The following MFSD8 variants were observed in gnomAD, a reference collection of about 807,000 sequenced individuals.
MFSD8 encodes major facilitator superfamily domain-containing protein 8.
MFSD8 carries 55 observed loss-of-function variants against 66.4 expected under a neutral mutation model. That is an observed-to-expected ratio of 0.83 (90% CI 0.67 to 1.04). The LOEUF is 1.04. Among genes scored for constraint, MFSD8 ranks in the 50% least tolerant of loss-of-function variants. The pLI is 0.00. For synonymous variants in MFSD8, 202 were observed against 212.8 expected (o/e 0.95, Z 0.44); for missense variants, 550 against 627.6 (o/e 0.88, Z 1.32).
rs975098695 is a variant in MFSD8, at chr4:127,919,789, G to A, written c.*841C>T. 1 of 152,126 alleles carries A rather than the reference G, an allele frequency of 6.6e-6. No homozygotes were observed. The highest frequency in any genetic ancestry group is 1.5e-5 in the Non-Finnish European group (1 of 68,024). 9.4% of individuals were successfully genotyped at this position (152,126 alleles called of 1,614,324 possible). On this transcript the variant is annotated 3_prime_UTR_variant, in exon 12 of 12. Coordinates refer to ENST00000641686, the MANE Select transcript of MFSD8 (RefSeq NM_001371596.2). ...AATTAAATGTTTTTCTCCAGTTTAA[G>A]GGGGTTGAAAAATAGCAATAATTTT...
Position 127,933,096 on chromosome 4 carries a change from A to G in MFSD8, c.755-3T>C. On this transcript the variant is annotated splice_polypyrimidine_tract_variant and splice_region_variant and intron_variant, in intron 7 of 11. Coordinates refer to ENST00000641686, the MANE Select transcript of MFSD8 (RefSeq NM_001371596.2). ...AACCTGAGCTTCATCTGTACTTGCT[A>G]TAGGGAAATAGGAGAAAAATTACAT... is the stretch of plus-strand genomic sequence containing the variant. 1 of 1,609,354 alleles carries G rather than the reference A, an allele frequency of 6.2e-7. No homozygotes were observed. The highest frequency in any genetic ancestry group is 1.1e-5 in the South Asian group (1 of 90,964).
chr4:127,952,201 C>G (rs116085789), intron 2 of MFSD8, among the ~76,000 whole-genome samples: 2,186 of 150,982 alleles, frequency 0.014, 64 homozygotes, highest in African/African-American at 0.05. Flanking sequence ...GTCAGGCTAT[C>G]GAGCCCATCC....
At chr4:127,942,024 T>C (rs747056142) in intron 5 of MFSD8, 21 bp downstream of exon 5, 2 of 1,560,672 alleles carry the variant, frequency 1.3e-6, no homozygotes, top group Admixed American at 1.7e-5. Context: ...ATTCAAGTAA[T>C]GACATGTGAA....
chr4:127,926,363 T>C lies in MFSD8; in HGVS notation c.998+4320A>G, dbSNP rs538395270. Among the ~76,000 whole-genome samples, 48 of 146,622 alleles carry C rather than the reference T, an allele frequency of 3.3e-4. No individual in the cohort carries two copies. The South Asian group carries it at 0.01, about 31-fold the overall frequency. ...TGCTGACTTCACTAAGGTCTCAGCT[T>C]AAATGTAACTTCCTCATATATACCT... On this transcript the variant is annotated intron_variant, in intron 9 of 11. Transcript: ENST00000641686.
chr4:127,930,788 T>C lies in MFSD8; in HGVS notation c.893A>G (p.Tyr298Cys), dbSNP rs1384172728. The change falls in exon 9 of 12, where the codon TAT becomes TGT. Residue 298 changes from tyrosine to cysteine, a missense_variant. By Grantham distance (194) the Tyr-to-Cys change is radical (BLOSUM62 -2). Coordinates refer to ENST00000641686, the MANE Select transcript of MFSD8 (RefSeq NM_001371596.2). Reference protein sequence around the residue: ...TIITPLTMDMYAWTQEQAVLY... With the variant: ...TIITPLTMDMCAWTQEQAVLY... Reference sequence around the variant, plus strand: ...CACAGCTTGTTCTTGAGTCCAGGCATACATATCCATTGTTAATGGAGTAAT... The same window carrying C: ...CACAGCTTGTTCTTGAGTCCAGGCACACATATCCATTGTTAATGGAGTAAT... 6.2e-7 allele frequency: 1 copy of C among 1,611,984 alleles called. No individual in the cohort carries two copies. Among genetic ancestry groups the C allele is most frequent in the African/African-American group, 1.3e-5 (1 of 74,980 alleles).
intron 7 of MFSD8, chr4:127,933,409 A>G (rs962068875): frequency 2.1e-5 from 5 of 235,844 alleles, no homozygotes; most frequent in Non-Finnish European, 1.7e-5. Context: ...ACGCCCAGCT[A>G]ATTTTTATAT....
rs1029455038 is a variant in MFSD8, at chr4:127,920,508, T to C, written c.*122A>G. The C allele has an allele frequency of 3.3e-6, 3 of 921,260 alleles. No homozygotes were observed. Among genetic ancestry groups the C allele is most frequent in the African/African-American group, 3.2e-5 (2 of 61,682 alleles). The allele number at this position is 921,260 out of a possible 1,614,324, so 57.1% of individuals were successfully genotyped here. ...TCTGTTATTCAACATATGTTCTTGT[T>C]CTTCAAAATCTGCAATATCTGTAGT... is the stretch of plus-strand genomic sequence containing the variant. On this transcript the variant is annotated 3_prime_UTR_variant, in exon 12 of 12. Transcript: ENST00000641686.
Position 127,929,421 on chromosome 4 carries a change from TA to T in MFSD8, c.998+1261del, listed in dbSNP as rs35191908. Among the ~76,000 whole-genome samples, 848 of 123,532 alleles carry T rather than the reference TA, an allele frequency of 6.9e-3. 2 individuals are homozygous for T. Among genetic ancestry groups the T allele is most frequent in the African/African-American group, 7.1e-3 (233 of 32,882 alleles). 81.0% of individuals were successfully genotyped at this position (123,532 alleles called of 152,430 possible). ...GCAAGATCTTGTCTCTACAAAAAGT[TA>T]AAAAAAAAAAAAAAAATTAGCCAGG... On this transcript the variant is annotated intron_variant, in intron 9 of 11. Coordinates refer to ENST00000641686, the MANE Select transcript of MFSD8 (RefSeq NM_001371596.2).
At chr4:127,953,737 C>G (rs1460500959) in intron 2 of MFSD8, among the ~76,000 whole-genome samples, 2 of 151,774 alleles carry the variant, frequency 1.3e-5, no homozygotes, top group Non-Finnish European at 2.9e-5. Context: ...CCCGCCTCAG[C>G]CTTGCAAAGT....
intron 3 of MFSD8, among the ~76,000 whole-genome samples, chr4:127,947,924 CCAA>C (rs1741349997): frequency 6.7e-6 from 1 of 148,478 alleles, no homozygotes; most frequent in Non-Finnish European, 1.5e-5. Flanking sequence ...CATAGAAAAA[CCAA>C]CAAGGGATAA....
chr4:127,958,806 T>A (rs995287520), intron 1 of MFSD8, among the ~76,000 whole-genome samples: 1 of 152,174 alleles, frequency 6.6e-6, no homozygotes, highest in African/African-American at 2.4e-5. Context: ...AGTGACTGAT[T>A]TAGAGCTCAG....
Position 127,933,038 on chromosome 4 carries a change from C to A in MFSD8, c.810G>T (p.Val270=). Residue 270 remains valine, a synonymous_variant, in exon 8 of 12, where the codon GTG becomes GTT. Transcript: ENST00000641686. The part of the protein sequence containing the change: ...PQGNIDQVAV[V]AINVLFFVTL... ...TCACAAAAAACAGAACATTGATGGC[C>A]ACAACAGCAACCTGGTCAATATTTC... The A allele has an allele frequency of 6.2e-7, 1 of 1,613,696 alleles. No homozygotes were observed. The highest frequency in any genetic ancestry group is 8.5e-7 in the Non-Finnish European group (1 of 1,179,868).
intron 3 of MFSD8, among the ~76,000 whole-genome samples, chr4:127,947,074 C>T (rs1741159487): frequency 6.6e-6 from 1 of 151,856 alleles, no homozygotes; most frequent in South Asian, 2.1e-4. Flanking sequence ...GCTTCTGACC[C>T]AAATTGTTGT....
chr4:127,940,516 G>GTA (rs67791219), intron 5 of MFSD8, among the ~76,000 whole-genome samples: 16,894 of 137,948 alleles, frequency 0.12, 1,113 homozygotes, highest in African/African-American at 0.18. Flanking sequence ...TCTGTATATG[G>GTA]TATATATATA....
At chr4:127,949,748 C>T (rs528598238) in intron 3 of MFSD8, 56 bp downstream of exon 3, 83 of 1,435,386 alleles carry the variant, frequency 5.8e-5, no homozygotes, top group South Asian at 4.4e-4. Flanking sequence ...TGCTTAACTA[C>T]GTAAGAGTTA....
chr4:127,939,975 G>T lies in MFSD8; in HGVS notation c.576C>A (p.Phe192Leu). The T allele has an allele frequency of 1.2e-6, 2 of 1,613,104 alleles. No homozygotes were observed. Among genetic ancestry groups the T allele is most frequent in the Non-Finnish European group, 1.7e-6 (2 of 1,179,554 alleles). ...CCCATGTCACACCTTTTTCTCCAAG[G>T]AATGTAAAACAAGTCTGAAAAACTT... Reference protein sequence around the residue: ...LGPVFQTCFTFLGEKGVTWDV... With the variant: ...LGPVFQTCFTLLGEKGVTWDV... The change falls in exon 6 of 12, where the codon TTC (phenylalanine) becomes TTA (leucine). Residue 192 changes from phenylalanine (F) to leucine (L), a missense_variant. Phe to Leu is a conservative substitution (Grantham distance 22). Coordinates refer to ENST00000641686, the MANE Select transcript of MFSD8 (RefSeq NM_001371596.2).
chr4:127,918,966 C>G lies in MFSD8; in HGVS notation c.*1664G>C, dbSNP rs1736076279. On this transcript the variant is annotated 3_prime_UTR_variant, in exon 12 of 12. Transcript: ENST00000641686. Reference sequence around the variant, plus strand: ...CCCAAAAAATGTAAGACAGAGAAAGCAGCTGCAGAATAGCAGGTAAGAGGG... The same window carrying G: ...CCCAAAAAATGTAAGACAGAGAAAGGAGCTGCAGAATAGCAGGTAAGAGGG... 1 of 152,106 alleles carries G rather than the reference C, an allele frequency of 6.6e-6. No homozygotes were observed. Among genetic ancestry groups the G allele is most frequent in the Admixed American group, 6.6e-5 (1 of 15,254 alleles). The allele number at this position is 152,106 out of a possible 1,614,324, so 9.4% of individuals were successfully genotyped here. A position where few individuals can be genotyped will look rare whatever the true frequency, so the allele number is the denominator to read the frequency against.
At chr4:127,951,520 G>A (rs1366522547) in intron 2 of MFSD8, among the ~76,000 whole-genome samples, 1 of 151,966 alleles carries the variant, frequency 6.6e-6, no homozygotes, top group Non-Finnish European at 1.5e-5. Flanking sequence ...TAGCCACTGC[G>A]CCCAGCCATT....
intron 1 of MFSD8, among the ~76,000 whole-genome samples, chr4:127,960,083 A>G (rs1743494894): frequency 6.6e-6 from 1 of 152,216 alleles, no homozygotes; most frequent in Non-Finnish European, 1.5e-5. Flanking sequence ...TCCTTCCAGT[A>G]AAACTGTAGT....
Sources: gnomAD v4.1 joint callset for allele counts (sites outside exome capture counted in the v4.1 genomes callset) on GRCh38, gnomAD v4.1.1 for gene constraint, MANE v1.5 for transcripts, NCBI Gene and HGNC (gene_info 2026-07-23, HGNC 2026-07-21) for gene names.